Variants in UNC5C observed in about 807,000 individuals in gnomAD.
The protein encoded by UNC5C is netrin receptor UNC5C.
A neutral mutation model predicts 99.8 loss-of-function variants in UNC5C; 47 were observed. The ratio of observed to expected loss-of-function variants is 0.47; its 90% CI spans 0.37 to 0.60. The LOEUF (loss-of-function observed/expected upper bound fraction) is 0.60. Among genes scored for constraint, UNC5C ranks in the 20% least tolerant of loss-of-function variants. The pLI is 0.00. For synonymous variants in UNC5C, 487 were observed against 452.2 expected (o/e 1.08, Z -0.98); for missense variants, 1,062 against 1,165.9 (o/e 0.91, Z 1.30).
Position 95,479,978 on chromosome 4 carries a change from T to A in UNC5C, c.124+68756A>T, listed in dbSNP as rs915883332. The stretch of plus-strand genomic sequence containing the variant: ...AAAATTCTGTCTCTTTCCTGGAATG[T>A]CTTTGAGCTGGGACATTAGTTCTGC... On this transcript the variant is annotated intron_variant, in intron 1 of 15. Transcript: ENST00000453304. Among the ~76,000 whole-genome samples the A allele has an allele frequency of 1.4e-4, 22 of 151,762 alleles. 1 individual carries two copies. The highest frequency in any genetic ancestry group is 4.8e-4 in the African/African-American group (20 of 41,398).
Position 95,481,994 on chromosome 4 carries a change from C to A in UNC5C, c.124+66740G>T, listed in dbSNP as rs560053536. ...ACACCAAAAGCAATGGCAACAAAAG[C>A]CAAAATTGACAAATGGGATCTAATT... is the stretch of plus-strand genomic sequence containing the variant. On this transcript the variant is annotated intron_variant, in intron 1 of 15. Transcript: ENST00000453304. Among the ~76,000 whole-genome samples the A allele has an allele frequency of 7.9e-5, 12 of 152,074 alleles. No individual in the cohort carries two copies. The South Asian group carries it at 1.0e-3, about 13-fold the overall frequency.
chr4:95,445,713 G>C (rs1747081357), intron 1 of UNC5C, among the ~76,000 whole-genome samples: 1 of 152,114 alleles, frequency 6.6e-6, no homozygotes, highest in Non-Finnish European at 1.5e-5. Flanking sequence ...AAACAAATGA[G>C]TATGCAAAAA....
intron 1 of UNC5C, among the ~76,000 whole-genome samples, chr4:95,531,716 A>G (rs532510512): frequency 1.3e-5 from 2 of 152,312 alleles, no homozygotes; most frequent in South Asian, 4.1e-4. Flanking sequence ...ACTCCAAAAC[A>G]TATTTATTTT....
At chr4:95,425,162 C>T (rs1345842086) in intron 1 of UNC5C, among the ~76,000 whole-genome samples, 1 of 152,158 alleles carries the variant, frequency 6.6e-6, no homozygotes, top group Non-Finnish European at 1.5e-5. Context: ...TTTGAGATCA[C>T]CAAATACAGG....
intron 1 of UNC5C, among the ~76,000 whole-genome samples, chr4:95,380,311 G>T (rs1242058245): frequency 2.0e-5 from 3 of 152,106 alleles, no homozygotes. Flanking sequence ...AAGGTGATCA[G>T]TTTACATTTT....
At chr4:95,431,346 C>T (rs1746630650) in intron 1 of UNC5C, among the ~76,000 whole-genome samples, 1 of 151,962 alleles carries the variant, frequency 6.6e-6, no homozygotes, top group South Asian at 2.1e-4. Context: ...TTCTAGGTTC[C>T]ATCTTGGTCT....
chr4:95,262,137 T>A (rs957765075), intron 4 of UNC5C, among the ~76,000 whole-genome samples: 1 of 152,230 alleles, frequency 6.6e-6, no homozygotes, highest in Non-Finnish European at 1.5e-5. Context: ...GATAAGGGAA[T>A]AATTGGGAAT....
intron 1 of UNC5C, among the ~76,000 whole-genome samples, chr4:95,407,844 T>G (rs1158912220): frequency 6.6e-6 from 1 of 152,104 alleles, no homozygotes; most frequent in Non-Finnish European, 1.5e-5. Flanking sequence ...AAAGGGCTCA[T>G]AACAGGGTGA....
chr4:95,299,311 C>T (rs1471088165), intron 3 of UNC5C, among the ~76,000 whole-genome samples: 1 of 152,120 alleles, frequency 6.6e-6, no homozygotes, highest in Non-Finnish European at 1.5e-5. Flanking sequence ...GAAGAGCGGC[C>T]TCAGGAGAAA....
intron 14 of UNC5C, among the ~76,000 whole-genome samples, chr4:95,179,761 A>G (rs538738587): frequency 1.6e-3 from 236 of 151,452 alleles, no homozygotes; most frequent in African/African-American, 5.4e-3. Context: ...AAAAAAAAAA[A>G]AAAAGAAAAA....
chr4:95,182,985 A>T lies in UNC5C; in HGVS notation c.2363T>A (p.Leu788Gln), dbSNP rs756203732. 11 of 1,613,772 alleles carry T rather than the reference A, an allele frequency of 6.8e-6. 1 individual carries two copies. In the South Asian group the frequency reaches 1.2e-4, roughly 18 times the overall value. ...TTTGCAAACCAGCTCCACTGTGTTC[A>T]GGCTAAATCTTTCCAGAGTGAAGGT... is the stretch of plus-strand genomic sequence containing the variant. ...HCTFTLERFSLNTVELVCKLC... is the reference protein window; with the variant it reads ...HCTFTLERFSQNTVELVCKLC... Residue 788 changes from leucine (L) to glutamine (Q), a missense_variant, in exon 14 of 16, where the codon CTG (leucine) becomes CAG (glutamine). This residue lies in a region of UNC5C where 810 missense variants were observed against 854.5 expected (regional missense o/e 0.95). Coordinates refer to ENST00000453304, the MANE Select transcript of UNC5C (RefSeq NM_003728.4).
chr4:95,184,892 GT>G (rs1303388045), intron 13 of UNC5C, among the ~76,000 whole-genome samples, 154 bp downstream of exon 13: 2 of 152,134 alleles, frequency 1.3e-5, no homozygotes, highest in African/African-American at 4.8e-5. Context: ...ATATGTCTGT[GT>G]TTCTCAAAAA....
At chr4:95,199,127 G>T (rs767172292) in intron 12 of UNC5C, among the ~76,000 whole-genome samples, 9 of 152,166 alleles carry the variant, frequency 5.9e-5, no homozygotes, top group Admixed American at 3.9e-4. Context: ...TGAAGGAGAA[G>T]GAGGCCTTCA....
rs3775046 is a variant in UNC5C at position 95,205,502 on chromosome 4, G to A, written c.1902+1126C>T. Among the ~76,000 whole-genome samples, 4 of 151,960 alleles carry A rather than the reference G, an allele frequency of 2.6e-5. 1 individual carries two copies. In the South Asian group the frequency reaches 8.3e-4, roughly 32 times the overall value. ...GAATCCCAGGGATACTCTGGTACTC[G>A]TCTACATCTAATACTATATTTTCTT... On this transcript the variant is annotated intron_variant, in intron 11 of 15. Transcript: ENST00000453304.
chr4:95,253,494 T>C (rs1412597032), intron 4 of UNC5C, among the ~76,000 whole-genome samples: 2 of 152,152 alleles, frequency 1.3e-5, no homozygotes, highest in African/African-American at 4.8e-5. Context: ...GGTTCTGACC[T>C]GAACCTCAGG....
intron 4 of UNC5C, among the ~76,000 whole-genome samples, chr4:95,251,978 A>T (rs1739761389): frequency 6.6e-6 from 1 of 152,206 alleles, no homozygotes; most frequent in African/African-American, 2.4e-5. Flanking sequence ...AAAGCTAAAC[A>T]TTCTTGATAT....
chr4:95,216,797 G>A (rs1738268636), intron 9 of UNC5C, among the ~76,000 whole-genome samples: 1 of 152,188 alleles, frequency 6.6e-6, no homozygotes, highest in South Asian at 2.1e-4. Context: ...ATTAGATTGG[G>A]CTGTGTTCTA....
intron 1 of UNC5C, among the ~76,000 whole-genome samples, chr4:95,340,590 T>G (rs1219013307): frequency 6.6e-6 from 1 of 152,160 alleles, no homozygotes; most frequent in Non-Finnish European, 1.5e-5. Flanking sequence ...TAAATTCAAG[T>G]CGTTGACTAC....
chr4:95,354,578 C>G (rs1309052997), intron 1 of UNC5C, among the ~76,000 whole-genome samples: 1 of 150,622 alleles, frequency 6.6e-6, no homozygotes, highest in African/African-American at 2.4e-5. Context: ...TGTCTGGGCT[C>G]AAGCCATCCT....
Sources: allele counts gnomAD v4.1 joint callset (sites outside exome capture counted in the v4.1 genomes callset), GRCh38; gene constraint gnomAD v4.1.1; regional missense constraint gnomAD v4.1.1; transcripts MANE v1.5; gene names NCBI Gene and HGNC (gene_info 2026-07-23, HGNC 2026-07-21).